The following RERG variants were observed in gnomAD, a reference collection of about 807,000 sequenced individuals.
RERG encodes ras-related and estrogen-regulated growth inhibitor.
A neutral mutation model predicts 23.2 loss-of-function variants in RERG; 25 were observed. The ratio of observed to expected loss-of-function variants is 1.08; its 90% CI spans 0.79 to 1.50. RERG has a LOEUF of 1.50. Ranked by LOEUF, RERG falls within the 40% of genes most tolerant of loss-of-function variation. The pLI, the probability that RERG is intolerant of heterozygous loss-of-function variation, is 0.00. For missense variants in RERG, 253 were observed against 250.1 expected, an observed-to-expected ratio of 1.01 and a Z score of -0.08; for synonymous variants, 81 against 89.1, an observed-to-expected ratio of 0.91 and a Z score of 0.51.
intron 2 of RERG, among the ~76,000 whole-genome samples, chr12:15,182,770 A>T (rs1289153000): frequency 6.6e-6 from 1 of 152,168 alleles, no homozygotes; most frequent in Non-Finnish European, 1.5e-5. Flanking sequence ...CTTAACAGAC[A>T]TTATCTAACT....
chr12:15,126,720 C>CTTTTTTT (rs1282479235), intron 2 of RERG, among the ~76,000 whole-genome samples: 1 of 126,486 alleles, frequency 7.9e-6, no homozygotes, highest in African/African-American at 3.0e-5. Context: ...TTTTCTTTTT[C>CTTTTTTT]TTTCTTTTTT....
At chr12:15,193,229 T>C (rs1191233085) in intron 2 of RERG, among the ~76,000 whole-genome samples, 1 of 152,186 alleles carries the variant, frequency 6.6e-6, no homozygotes, top group Non-Finnish European at 1.5e-5. Context: ...CTACTGCCTT[T>C]ATTCAGTTAT....
chr12:15,166,492 GAT>G (rs1286382375), intron 2 of RERG, among the ~76,000 whole-genome samples: 94 of 151,976 alleles, frequency 6.2e-4, no homozygotes, highest in Non-Finnish European at 9.4e-4. Flanking sequence ...TGATGATGAT[GAT>G]GATGATGGGG....
chr12:15,147,935 A>G (rs1864361689), intron 2 of RERG, among the ~76,000 whole-genome samples: 1 of 152,236 alleles, frequency 6.6e-6, no homozygotes, highest in Admixed American at 6.5e-5. Context: ...ATAACATGGA[A>G]GAGTGTCCAA....
rs34755371 is a variant in RERG at position 15,139,014 on chromosome 12, CTTTTTTTTT to C, written c.62-17904_62-17896del. On this transcript the variant is annotated intron_variant, in intron 2 of 4. Transcript: ENST00000256953. ...TGAAAGTTGTTCACCTGTGTCTAGA[CTTTTTTTTT>C]TTTTTTTTTTTTTGCCTGTGGGCGC... Among the ~76,000 whole-genome samples, 83 of 51,118 alleles carry C rather than the reference CTTTTTTTTT, an allele frequency of 1.6e-3. 1 individual carries two copies. The highest frequency in any genetic ancestry group is 5.3e-3 in the African/African-American group (74 of 13,846). 33.5% of individuals were successfully genotyped at this position (51,118 alleles called of 152,430 possible).
At chr12:15,200,945 A>G (rs957231669) in intron 2 of RERG, among the ~76,000 whole-genome samples, 15 of 151,730 alleles carry the variant, frequency 9.9e-5, no homozygotes, top group African/African-American at 3.6e-4. Flanking sequence ...TACAATTTCC[A>G]TCCTCCTCCC....
At chr12:15,196,925 C>T (rs1865153097) in intron 2 of RERG, among the ~76,000 whole-genome samples, 1 of 151,854 alleles carries the variant, frequency 6.6e-6, no homozygotes, top group African/African-American at 2.4e-5. Context: ...ATAACCAAAC[C>T]TCCTAATTGT....
intron 2 of RERG, among the ~76,000 whole-genome samples, chr12:15,144,760 C>T (rs1240868765): frequency 6.6e-6 from 1 of 152,154 alleles, no homozygotes; most frequent in Non-Finnish European, 1.5e-5. Context: ...TTCATGGAGA[C>T]AGGCCCATTA....
chr12:15,134,083 A>C (rs1864102007), intron 2 of RERG, among the ~76,000 whole-genome samples: 1 of 151,954 alleles, frequency 6.6e-6, no homozygotes, highest in Non-Finnish European at 1.5e-5. Flanking sequence ...TTTTTTTCAC[A>C]GAGAAGTTCT....
chr12:15,121,383 CA>C (rs2136088634), intron 2 of RERG, among the ~76,000 whole-genome samples: 1 of 151,870 alleles, frequency 6.6e-6, no homozygotes, highest in East Asian at 1.9e-4. Context: ...AGGTTAAAAA[CA>C]AAACAAACAA....
intron 1 of RERG, chr12:15,218,173 GATTAC>G: frequency 6.6e-6 from 1 of 152,120 alleles, no homozygotes; most frequent in East Asian, 1.9e-4. Context: ...ATAATACATA[GATTAC>G]ATTTCTATAT....
chr12:15,207,773 T>C (rs1262511585), intron 2 of RERG, among the ~76,000 whole-genome samples: 3 of 152,256 alleles, frequency 2.0e-5, no homozygotes, highest in East Asian at 3.9e-4. Flanking sequence ...AGTCAAGGCA[T>C]GCTGGCTATG....
rs1266017103 is a variant in RERG at position 15,109,241 on chromosome 12, T to A, written c.469A>T (p.Thr157Ser). ...CSACTGEGNITEIFYELCREV... is the reference protein window; with the variant it reads ...CSACTGEGNISEIFYELCREV... ...CGACACAATTCATAGAATATCTCTGTGATGTTCCCTTCTCCAGTGCAGGCA... is the reference window on the plus strand; with the variant it reads ...CGACACAATTCATAGAATATCTCTGAGATGTTCCCTTCTCCAGTGCAGGCA... Residue 157 changes from threonine (T) to serine (S), a missense_variant, in exon 5 of 5, where the codon ACA becomes TCA. Coordinates refer to ENST00000256953, the MANE Select transcript of RERG (RefSeq NM_032918.3). The A allele has an allele frequency of 3.1e-6, 5 of 1,614,004 alleles. No homozygotes were observed. Among genetic ancestry groups the A allele is most frequent in the Non-Finnish European group, 3.4e-6 (4 of 1,180,008 alleles).
At chr12:15,180,689 T>G (rs888840710) in intron 2 of RERG, among the ~76,000 whole-genome samples, 1 of 152,180 alleles carries the variant, frequency 6.6e-6, no homozygotes, top group African/African-American at 2.4e-5. Context: ...AGAAACTACG[T>G]GATCCTGAAT....
chr12:15,122,346 T>C (rs1436608830), intron 2 of RERG, among the ~76,000 whole-genome samples: 1 of 152,244 alleles, frequency 6.6e-6, no homozygotes, highest in East Asian at 1.9e-4. Context: ...TGTCAGTCTT[T>C]GCCTAGTCTC....
intron 1 of RERG, among the ~76,000 whole-genome samples, chr12:15,219,120 A>G (rs943408465): frequency 5.9e-5 from 9 of 152,192 alleles, no homozygotes; most frequent in East Asian, 3.8e-4. Context: ...TCTTAATCAC[A>G]CCAGTCTGCA....
intron 2 of RERG, among the ~76,000 whole-genome samples, chr12:15,144,648 CA>C (rs1252413135): frequency 6.6e-6 from 1 of 152,176 alleles, no homozygotes; most frequent in Non-Finnish European, 1.5e-5. Context: ...GTGTGGATGA[CA>C]GCGTGAATGG....
intron 3 of RERG, among the ~76,000 whole-genome samples, chr12:15,115,744 C>T (rs1863708342): frequency 6.6e-6 from 1 of 151,954 alleles, no homozygotes; most frequent in Admixed American, 6.6e-5. Context: ...TTCATTTCAT[C>T]AACTATTTTG....
chr12:15,117,052 G>A (rs1342676528), intron 3 of RERG, among the ~76,000 whole-genome samples: 1 of 151,082 alleles, frequency 6.6e-6, no homozygotes, highest in Non-Finnish European at 1.5e-5. Context: ...CTCACTAGTA[G>A]TTTAATAACT....
Sources: gnomAD v4.1 joint callset for allele counts (sites outside exome capture counted in the v4.1 genomes callset) on GRCh38, gnomAD v4.1.1 for gene constraint, MANE v1.5 for transcripts, NCBI Gene and HGNC (gene_info 2026-07-23, HGNC 2026-07-21) for gene names.